NRXN3: variants seen among roughly 807,000 people sequenced by gnomAD.
NRXN3 encodes the protein neurexin III.
NRXN3 carries 32 observed loss-of-function variants against 137.6 expected under a neutral mutation model. The ratio of observed to expected loss-of-function variants is 0.23; its 90% CI spans 0.18 to 0.31. The LOEUF is 0.31. Ranked by LOEUF, NRXN3 falls within the 10% of genes least tolerant of loss-of-function variation. The pLI is 1.00. For missense variants in NRXN3, 1,574 were observed against 2,062.5 expected, an observed-to-expected ratio of 0.76 and a Z score of 4.59; for synonymous variants, 798 against 784.5, an observed-to-expected ratio of 1.02 and a Z score of -0.29.
At chr14:78,598,266 T>C (rs1250803909) in intron 4 of NRXN3, among the ~76,000 whole-genome samples, 1 of 152,132 alleles carries the variant, frequency 6.6e-6, no homozygotes, top group Non-Finnish European at 1.5e-5. Context: ...CCCCTCAGAC[T>C]TGGCTTGGTG....
chr14:78,897,615 G>A (rs572216227), intron 10 of NRXN3, among the ~76,000 whole-genome samples: 20 of 151,902 alleles, frequency 1.3e-4, no homozygotes, highest in Admixed American at 2.6e-4. Context: ...CTTCTCAAAC[G>A]TTTTTGGCAG....
intron 16 of NRXN3, among the ~76,000 whole-genome samples, chr14:79,508,838 A>G (rs1008724976): frequency 6.6e-6 from 1 of 152,118 alleles, no homozygotes; most frequent in Non-Finnish European, 1.5e-5. Flanking sequence ...ACATTTTAGG[A>G]AACTGAATTC....
chr14:78,540,643 A>T (rs773184740), intron 4 of NRXN3, among the ~76,000 whole-genome samples: 1 of 152,068 alleles, frequency 6.6e-6, no homozygotes, highest in Non-Finnish European at 1.5e-5. Flanking sequence ...GTTATGTGTG[A>T]ATTTGATTCT....
At chr14:78,570,613 A>G (rs1291332311) in intron 4 of NRXN3, among the ~76,000 whole-genome samples, 1 of 152,186 alleles carries the variant, frequency 6.6e-6, no homozygotes, top group Non-Finnish European at 1.5e-5. Context: ...CCCAGGAAGT[A>G]TTCTATCTCA....
At chr14:78,277,900 A>G (rs1216979212) in intron 2 of NRXN3, among the ~76,000 whole-genome samples, 1 of 152,232 alleles carries the variant, frequency 6.6e-6, no homozygotes, top group African/African-American at 2.4e-5. Flanking sequence ...CGTAGTTGTC[A>G]AAAGTGATTT....
chr14:79,363,183 A>G (rs1268393350), intron 15 of NRXN3, among the ~76,000 whole-genome samples: 1 of 152,110 alleles, frequency 6.6e-6, no homozygotes, highest in Admixed American at 6.6e-5. Flanking sequence ...TATTTTTAGT[A>G]GAGACAGGGT....
At chr14:79,151,371 C>T (rs1219968734) in intron 15 of NRXN3, among the ~76,000 whole-genome samples, 3 of 152,036 alleles carry the variant, frequency 2.0e-5, no homozygotes, top group Non-Finnish European at 2.9e-5. Flanking sequence ...AGTCCCAGAA[C>T]AGAGGTGAGC....
chr14:78,858,495 G>A (rs1310236941), intron 10 of NRXN3, among the ~76,000 whole-genome samples: 1 of 152,076 alleles, frequency 6.6e-6, no homozygotes, highest in East Asian at 1.9e-4. Flanking sequence ...GGTTGTCTAG[G>A]GAGGAGGAAT....
chr14:78,528,695 G>A (rs556856949), intron 4 of NRXN3, among the ~76,000 whole-genome samples: 6 of 152,260 alleles, frequency 3.9e-5, no homozygotes, highest in African/African-American at 1.2e-4. Flanking sequence ...ATAGGCAGAA[G>A]GGATCACTTT....
intron 15 of NRXN3, among the ~76,000 whole-genome samples, chr14:79,096,123 G>A (rs879476998): frequency 2.0e-5 from 2 of 98,564 alleles, no homozygotes; most frequent in African/African-American, 3.9e-5. Flanking sequence ...TTTTTTTTTT[G>A]TAGAGCCAGA....
intron 16 of NRXN3, among the ~76,000 whole-genome samples, chr14:79,551,665 C>T (rs1341838616): frequency 1.3e-5 from 2 of 152,160 alleles, no homozygotes; most frequent in African/African-American, 4.8e-5. Context: ...CAGTGTTTAG[C>T]TCAAGCCCCA....
At chr14:78,747,248 T>G (rs1288458642) in intron 8 of NRXN3, among the ~76,000 whole-genome samples, 1 of 152,236 alleles carries the variant, frequency 6.6e-6, no homozygotes, top group Non-Finnish European at 1.5e-5. Context: ...GGTCAATTTC[T>G]TAACCTCTCT....
chr14:78,668,611 G>A lies in NRXN3; in HGVS notation c.1221+17285G>A, dbSNP rs145799812. Among the ~76,000 whole-genome samples, 1,393 of 152,280 alleles carry A rather than the reference G, an allele frequency of 9.1e-3. 10 individuals are homozygous for A. The highest frequency in any genetic ancestry group is 0.015 in the Non-Finnish European group (1,016 of 68,042). ...CTGTAGGCCTACAATGCACAGGACA[G>A]CCCTTCGGTGACAAGGAATTATCCA... On this transcript the variant is annotated intron_variant, in intron 6 of 20. Transcript: ENST00000335750.
chr14:79,593,260 CTA>C (rs910014780), intron 16 of NRXN3, among the ~76,000 whole-genome samples: 1 of 152,048 alleles, frequency 6.6e-6, no homozygotes, highest in African/African-American at 2.4e-5. Flanking sequence ...AAATAAAACT[CTA>C]TAATTTAAAC....
intron 2 of NRXN3, among the ~76,000 whole-genome samples, chr14:78,257,652 A>G (rs1300454317): frequency 1.3e-5 from 2 of 152,354 alleles, no homozygotes; most frequent in East Asian, 1.9e-4. Flanking sequence ...GCGGTAGTCA[A>G]TGTGGTTGGA....
intron 15 of NRXN3, among the ~76,000 whole-genome samples, chr14:79,132,831 C>T (rs1211090829): frequency 6.6e-6 from 1 of 152,218 alleles, no homozygotes; most frequent in African/African-American, 2.4e-5. Flanking sequence ...AGAAGTTGAG[C>T]TGCGATGCAG....
chr14:78,906,919 C>A (rs2099219037), intron 10 of NRXN3, among the ~76,000 whole-genome samples: 1 of 151,866 alleles, frequency 6.6e-6, no homozygotes, highest in African/African-American at 2.4e-5. Flanking sequence ...GGCATGTGCT[C>A]ATTTCTGGAG....
rs369030400 is a variant in NRXN3 at position 79,861,884 on chromosome 14, A to T, written c.4636A>T (p.Thr1546Ser). 1.6e-5 allele frequency: 26 copies of T among 1,613,990 alleles called. No homozygotes were observed. The highest frequency in any genetic ancestry group is 1.9e-5 in the Non-Finnish European group (22 of 1,180,006). Reference protein sequence around the residue: ...YISNSAQSNGTLMKEKQQSSK... With the variant: ...YISNSAQSNGSLMKEKQQSSK... The stretch of plus-strand genomic sequence containing the variant: ...CAGCAACTCCGCCCAGAGCAACGGC[A>T]CGCTCATGAAGGAGAAGCAGCAGAG... Residue 1546 changes from threonine (T) to serine (S), a missense_variant, in exon 21 of 21, where the codon ACG becomes TCG. Thr to Ser is a moderately conservative substitution (Grantham distance 58). Around this residue, in one of 5 missense-constraint regions of NRXN3, gnomAD observed 320 missense variants for 387.1 expected, o/e 0.83. Coordinates refer to ENST00000335750, the MANE Select transcript of NRXN3 (RefSeq NM_001330195.2). The surrounding 1 kb of genome is among the most constrained non-coding windows in gnomAD (Gnocchi z 5.4).
chr14:78,540,870 C>T (rs1376837183), intron 4 of NRXN3, among the ~76,000 whole-genome samples: 3 of 152,130 alleles, frequency 2.0e-5, no homozygotes, highest in Non-Finnish European at 2.9e-5. Flanking sequence ...TTCTCCTTCA[C>T]TTATGAAGCT....
Sources: allele counts gnomAD v4.1 joint callset (sites outside exome capture counted in the v4.1 genomes callset), GRCh38; gene constraint gnomAD v4.1.1; regional missense constraint gnomAD v4.1.1; non-coding constraint Gnocchi (gnomAD v3.1); transcripts MANE v1.5; gene names NCBI Gene and HGNC (gene_info 2026-07-23, HGNC 2026-07-21).